Variants in LRFN2 observed in about 807,000 individuals in gnomAD.
The protein encoded by LRFN2 is leucine-rich repeat and fibronectin type-III domain-containing protein 2.
LRFN2 carries 18 observed loss-of-function variants against 37.3 expected under a neutral mutation model. The ratio of observed to expected loss-of-function variants is 0.48; its 90% confidence interval spans 0.33 to 0.72. LRFN2 has a LOEUF of 0.72. LRFN2 is among the 30% of genes least tolerant of loss of function. The pLI, the probability that LRFN2 is intolerant of heterozygous loss-of-function variation, is 0.02. For synonymous variants in LRFN2, 556 were observed against 466.6 expected, an observed-to-expected ratio of 1.19 and a Z score of -2.47; for missense variants, 1,006 against 1,060.7, an observed-to-expected ratio of 0.95 and a Z score of 0.72.
chr6:40,450,591 A>G (rs1428100141), intron 1 of LRFN2, among the ~76,000 whole-genome samples: 1 of 152,228 alleles, frequency 6.6e-6, no homozygotes, highest in Non-Finnish European at 1.5e-5. Context: ...GTGTTTGTCC[A>G]GTGTCCAGCT....
intron 1 of LRFN2, among the ~76,000 whole-genome samples, chr6:40,488,808 G>T (rs1159672603): frequency 1.3e-5 from 2 of 152,132 alleles, no homozygotes; most frequent in Non-Finnish European, 2.9e-5. Flanking sequence ...TTGAGGGCAG[G>T]TGCATTTCCC....
At chr6:40,471,374 C>A (rs1030447796) in intron 1 of LRFN2, among the ~76,000 whole-genome samples, 8 of 152,174 alleles carry the variant, frequency 5.3e-5, no homozygotes, top group African/African-American at 1.9e-4. Context: ...AAAGGCTAGG[C>A]TGCCACGGTT....
intron 1 of LRFN2, among the ~76,000 whole-genome samples, chr6:40,554,873 C>T (rs963386516): frequency 2.0e-5 from 3 of 152,156 alleles, no homozygotes; most frequent in Non-Finnish European, 2.9e-5. Flanking sequence ...AATCAGCCTA[C>T]CGGCACAGTT....
At chr6:40,571,006 T>C (rs1240203951) in intron 1 of LRFN2, among the ~76,000 whole-genome samples, 1 of 152,142 alleles carries the variant, frequency 6.6e-6, no homozygotes, top group African/African-American at 2.4e-5. Context: ...AGGAACTTAA[T>C]GGGGCCATTC....
At chr6:40,399,675 C>A (rs900566376) in intron 2 of LRFN2, among the ~76,000 whole-genome samples, 1 of 151,634 alleles carries the variant, frequency 6.6e-6, no homozygotes, top group Non-Finnish European at 1.5e-5. Context: ...TGAGCTCAGA[C>A]CATCCGCCCG....
intron 1 of LRFN2, among the ~76,000 whole-genome samples, chr6:40,559,251 G>A (rs1422795479): frequency 6.6e-6 from 1 of 152,182 alleles, no homozygotes; most frequent in Admixed American, 6.5e-5. Flanking sequence ...GAGCCCGGCA[G>A]TGAGCCTTCC....
intron 1 of LRFN2, among the ~76,000 whole-genome samples, chr6:40,493,201 G>A (rs1441206196): frequency 6.6e-6 from 1 of 152,064 alleles, no homozygotes; most frequent in Non-Finnish European, 1.5e-5. Context: ...TGGGAAGTGT[G>A]TCCCTCTATA....
chr6:40,497,994 G>T (rs1765275718), intron 1 of LRFN2, among the ~76,000 whole-genome samples: 1 of 152,180 alleles, frequency 6.6e-6, no homozygotes, highest in Admixed American at 6.5e-5. Context: ...TCACTTCTGG[G>T]GTGTCTGCCT....
intron 1 of LRFN2, among the ~76,000 whole-genome samples, chr6:40,463,668 C>CTTTTTTTT (rs1470775834): frequency 1.1e-5 from 1 of 91,288 alleles, no homozygotes; most frequent in Non-Finnish European, 2.6e-5. Context: ...TTCTTTCTTT[C>CTTTTTTTT]TATTTTTTTT....
intron 1 of LRFN2, among the ~76,000 whole-genome samples, chr6:40,571,316 T>C (rs934150819): frequency 1.3e-5 from 2 of 152,198 alleles, no homozygotes; most frequent in African/African-American, 2.4e-5. Context: ...TGGCAACACA[T>C]TGAAGAATTT....
chr6:40,486,338 C>A (rs1213904588), intron 1 of LRFN2, among the ~76,000 whole-genome samples: 1 of 152,162 alleles, frequency 6.6e-6, no homozygotes, highest in South Asian at 2.1e-4. Context: ...GAACTCAAGA[C>A]CCCTGGGCTA....
chr6:40,511,111 C>G (rs1262143515), intron 1 of LRFN2, among the ~76,000 whole-genome samples: 1 of 151,910 alleles, frequency 6.6e-6, no homozygotes, highest in Non-Finnish European at 1.5e-5. Flanking sequence ...ATCATGCACA[C>G]CAGGGGAAAT....
intron 1 of LRFN2, among the ~76,000 whole-genome samples, chr6:40,586,679 A>G (rs539611592): frequency 6.6e-6 from 1 of 152,100 alleles, no homozygotes; most frequent in Non-Finnish European, 1.5e-5. Flanking sequence ...CCAGTCTCAC[A>G]TGGACCCGGC....
At chr6:40,407,464 A>T (rs1762871628) in intron 2 of LRFN2, among the ~76,000 whole-genome samples, 1 of 152,222 alleles carries the variant, frequency 6.6e-6, no homozygotes. Flanking sequence ...TTCTGTGGTG[A>T]GTGTGAGAAA....
chr6:40,450,364 G>C (rs556586620), intron 1 of LRFN2, among the ~76,000 whole-genome samples: 15 of 152,368 alleles, frequency 9.8e-5, no homozygotes, highest in African/African-American at 3.4e-4. Context: ...TGTTGGGAGA[G>C]AGGAGTGAAG....
intron 1 of LRFN2, among the ~76,000 whole-genome samples, chr6:40,486,401 A>T (rs1764959730): frequency 6.6e-6 from 1 of 152,192 alleles, no homozygotes; most frequent in Non-Finnish European, 1.5e-5. Flanking sequence ...CTGTAACAAA[A>T]GGCGGGACCC....
chr6:40,427,174 G>A (rs893745399), intron 2 of LRFN2, among the ~76,000 whole-genome samples: 3 of 152,212 alleles, frequency 2.0e-5, no homozygotes, highest in African/African-American at 7.2e-5. Flanking sequence ...TTTCTGTGTA[G>A]TTATCAATCT....
intron 1 of LRFN2, among the ~76,000 whole-genome samples, chr6:40,567,279 C>A (rs1581798187): frequency 6.6e-6 from 1 of 152,160 alleles, no homozygotes; most frequent in African/African-American, 2.4e-5. Context: ...AAGAAAAAGG[C>A]ACTTTTTCTC....
At chr6:40,406,103 G>A (rs570617551) in intron 2 of LRFN2, among the ~76,000 whole-genome samples, 3 of 152,256 alleles carry the variant, frequency 2.0e-5, no homozygotes, top group South Asian at 2.1e-4. Flanking sequence ...CTGCACCACC[G>A]GGGTTCAAGC....
Sources: allele counts gnomAD v4.1 joint callset (sites outside exome capture counted in the v4.1 genomes callset), GRCh38; gene constraint gnomAD v4.1.1; transcripts MANE v1.5; gene names NCBI Gene and HGNC (gene_info 2026-07-23, HGNC 2026-07-21).